The following STK3 variants were observed in gnomAD, a reference collection of about 807,000 sequenced individuals.
STK3 encodes the protein serine/threonine kinase 3.
STK3 carries 41 observed loss-of-function variants against 58.0 expected under a neutral mutation model. That is an observed-to-expected ratio of 0.71 (90% confidence interval 0.55 to 0.92). The LOEUF (loss-of-function observed/expected upper bound fraction) is 0.92, where lower values mean the gene tolerates loss of function less well. STK3 is among the 40% of genes least tolerant of loss of function. STK3 has a pLI of 0.00. For missense variants in STK3, 479 were observed against 602.7 expected, an observed-to-expected ratio of 0.79 and a Z score of 2.15; for synonymous variants, 170 against 191.0, an observed-to-expected ratio of 0.89 and a Z score of 0.91.
intron 10 of STK3, among the ~76,000 whole-genome samples, chr8:98,517,249 C>A (rs961433936): frequency 6.6e-6 from 1 of 151,936 alleles, no homozygotes; most frequent in Admixed American, 6.6e-5. Flanking sequence ...AACACAATTA[C>A]AAAACAAGAC....
At chr8:98,655,465 G>A (rs564136486) in intron 6 of STK3, among the ~76,000 whole-genome samples, 30 of 151,992 alleles carry the variant, frequency 2.0e-4, no homozygotes, top group South Asian at 4.2e-4. Flanking sequence ...CAATGGCAAC[G>A]AAAGCCAAAA....
chr8:98,428,028 G>A lies in STK3; in HGVS notation n.483+6099C>T, dbSNP rs144362730. 6.9e-6 allele frequency: 11 copies of A among 1,605,084 alleles called. No homozygotes were observed. Among genetic ancestry groups the A allele is most frequent in the South Asian group, 1.1e-5 (1 of 90,068 alleles). On this transcript the variant is annotated intron_variant and non_coding_transcript_variant, in intron 3 of 3. Coordinates refer to the STK3 transcript ENST00000517832. The surrounding 1 kb of genome is among the most constrained non-coding windows in gnomAD (Gnocchi z 6.7). ...CGTGTCGGAGGCTAACGTCGAGGAC[G>A]GGGAGATCCGCATCAATGTGGGCGG...
At chr8:98,639,650 A>G (rs548449527) in intron 6 of STK3, among the ~76,000 whole-genome samples, 8 of 152,208 alleles carry the variant, frequency 5.3e-5, no homozygotes, top group Non-Finnish European at 1.2e-4. Flanking sequence ...TTGCTTTTCA[A>G]AACCAAAGGC....
chr8:98,620,066 C>G (rs1224894497), intron 6 of STK3, among the ~76,000 whole-genome samples: 1 of 82,882 alleles, frequency 1.2e-5, no homozygotes, highest in Non-Finnish European at 2.4e-5. Flanking sequence ...GGAACCAACC[C>G]AAATGTCCAA....
At chr8:98,452,423 A>G (rs1819239493), downstream of STK3, among the ~76,000 whole-genome samples, 1 of 152,224 alleles carries the variant, frequency 6.6e-6, no homozygotes, top group Non-Finnish European at 1.5e-5. Context: ...TGAACATAAA[A>G]CTATTTCTGC....
chr8:98,364,071 C>T, the STK3 span, among the ~76,000 whole-genome samples: 1 of 152,118 alleles, frequency 6.6e-6, no homozygotes, highest in Non-Finnish European at 1.5e-5. Flanking sequence ...TGGTGGGTGT[C>T]ACTGTCTGCT....
chr8:98,815,510 A>T (rs1834488947), intron 1 of STK3, among the ~76,000 whole-genome samples: 1 of 152,190 alleles, frequency 6.6e-6, no homozygotes, highest in Admixed American at 6.5e-5. Context: ...CCCAAATATC[A>T]CAGCAGACAA....
intron 4 of STK3, among the ~76,000 whole-genome samples, chr8:98,710,418 C>T (rs940314645): frequency 6.6e-6 from 1 of 152,156 alleles, no homozygotes; most frequent in Non-Finnish European, 1.5e-5. Context: ...CAGATGGCAC[C>T]TGGAAAATCA....
intron 6 of STK3, among the ~76,000 whole-genome samples, chr8:98,652,021 A>C (rs977209342): frequency 4.6e-5 from 7 of 152,092 alleles, no homozygotes; most frequent in Admixed American, 2.6e-4. Context: ...ACTCCAAGAC[A>C]CATAATTGTC....
At chr8:98,748,653 T>C (rs1023297366) in intron 4 of STK3, among the ~76,000 whole-genome samples, 1 of 152,116 alleles carries the variant, frequency 6.6e-6, no homozygotes, top group South Asian at 2.1e-4. Flanking sequence ...ATTGTCCAAA[T>C]AAACTAGATG....
chr8:98,736,534 T>C (rs1828612100), intron 4 of STK3, among the ~76,000 whole-genome samples: 1 of 152,228 alleles, frequency 6.6e-6, no homozygotes, highest in Non-Finnish European at 1.5e-5. Flanking sequence ...ATGTTTTATT[T>C]AAAAGACATG....
At chr8:98,912,876 T>G (rs1347191137) in intron 1 of STK3, among the ~76,000 whole-genome samples, 2 of 152,186 alleles carry the variant, frequency 1.3e-5, no homozygotes, top group South Asian at 4.1e-4. Flanking sequence ...GTTTTTTTTG[T>G]TTTTTGTTTT....
intron 1 of STK3, among the ~76,000 whole-genome samples, chr8:98,443,224 A>C (rs1818762712): frequency 6.6e-6 from 1 of 152,234 alleles, no homozygotes; most frequent in Non-Finnish European, 1.5e-5. Context: ...CAGGAAATAC[A>C]GCAGTATTTG....
At chr8:98,731,718 G>A (rs918972653) in intron 4 of STK3, among the ~76,000 whole-genome samples, 13 of 115,018 alleles carry the variant, frequency 1.1e-4, no homozygotes, top group African/African-American at 3.5e-4. Context: ...GTGAGACTCC[G>A]TCTCAAAAAA....
intron 6 of STK3, among the ~76,000 whole-genome samples, chr8:98,650,282 G>C (rs570677596): frequency 2.0e-5 from 3 of 152,200 alleles, no homozygotes; most frequent in Non-Finnish European, 2.9e-5. Flanking sequence ...GATAATAGAG[G>C]ACATACTTGT....
chr8:98,759,216 A>C (rs971165261), intron 3 of STK3, among the ~76,000 whole-genome samples: 3 of 152,206 alleles, frequency 2.0e-5, no homozygotes, highest in African/African-American at 7.2e-5. Context: ...AATCATTTCT[A>C]GCTTTTTTAT....
At chr8:98,570,493 C>A (rs1040821509) in intron 8 of STK3, among the ~76,000 whole-genome samples, 1 of 152,126 alleles carries the variant, frequency 6.6e-6, no homozygotes, top group Admixed American at 6.5e-5. Flanking sequence ...ACCAACTCTT[C>A]CAAACATATT....
chr8:98,904,572 T>C, intron 1 of STK3: 2 of 549,238 alleles, frequency 3.6e-6, no homozygotes, highest in Non-Finnish European at 7.2e-6. Context: ...GAGGGTTCAG[T>C]CAGCAATTAT....
intron 1 of STK3, among the ~76,000 whole-genome samples, chr8:98,385,616 C>T (rs1804115030): frequency 6.6e-6 from 1 of 152,120 alleles, no homozygotes; most frequent in Non-Finnish European, 1.5e-5. Context: ...AACCTGACTC[C>T]CCTTCGCAGT....
Sources: allele counts gnomAD v4.1 joint callset (sites outside exome capture counted in the v4.1 genomes callset), GRCh38; gene constraint gnomAD v4.1.1; non-coding constraint Gnocchi (gnomAD v3.1); transcripts MANE v1.5; gene names NCBI Gene and HGNC (gene_info 2026-07-23, HGNC 2026-07-21).